The following CGNL1 variants were observed in gnomAD, a reference collection of about 807,000 sequenced individuals.
CGNL1 encodes the protein cingulin like 1.
In CGNL1, 132 loss-of-function variants were observed where a neutral mutation model predicts 141.2. The observed-to-expected ratio is 0.93, with a 90% CI of 0.81 to 1.08. CGNL1 has a LOEUF of 1.08. CGNL1 is among the 50% of genes least tolerant of loss of function. CGNL1 has a pLI of 0.00. For synonymous variants in CGNL1, 690 were observed against 622.1 expected (o/e 1.11, Z -1.63); for missense variants, 1,870 against 1,588.6 (o/e 1.18, Z -3.01).
chr15:57,491,327 C>T (rs1447977463), intron 8 of CGNL1, among the ~76,000 whole-genome samples: 1 of 152,156 alleles, frequency 6.6e-6, no homozygotes, highest in Non-Finnish European at 1.5e-5. Context: ...TTCTAACACC[C>T]AGTTTGGTGC....
At chr15:57,521,286 G>A (rs1323619214) in intron 10 of CGNL1, among the ~76,000 whole-genome samples, 1 of 152,156 alleles carries the variant, frequency 6.6e-6, no homozygotes, top group Non-Finnish European at 1.5e-5. Context: ...CTAAACCTTA[G>A]TACATGTTAG....
chr15:57,437,823 G>C (rs2152304869), intron 1 of CGNL1, among the ~76,000 whole-genome samples, 162 bp from the exon 2 acceptor site: 1 of 152,318 alleles, frequency 6.6e-6, no homozygotes, highest in Non-Finnish European at 1.5e-5. Context: ...TGGGTCACCA[G>C]AGGGCTGCCC....
chr15:57,485,188 G>GA (rs2063771784), intron 8 of CGNL1, among the ~76,000 whole-genome samples: 1 of 151,984 alleles, frequency 6.6e-6, no homozygotes, highest in African/African-American at 2.4e-5. Context: ...GGATTACTTA[G>GA]AAGTGTGTTG....
intron 10 of CGNL1, 21 bp from the exon 11 acceptor site, chr15:57,523,468 T>A (rs1389643582): frequency 6.2e-7 from 1 of 1,613,610 alleles, no homozygotes; most frequent in Non-Finnish European, 8.5e-7. Flanking sequence ...GACAGCACTG[T>A]CCTTTCCCTG....
chr15:57,481,063 G>GTTTTTTTTTT (rs1567144577), intron 8 of CGNL1, among the ~76,000 whole-genome samples: 3 of 105,074 alleles, frequency 2.9e-5, no homozygotes, highest in Non-Finnish European at 4.1e-5. Context: ...AAAGACCTGG[G>GTTTTTTTTTT]GTTTTTTTTT....
rs3051174 is a variant in CGNL1 at position 57,383,801 on chromosome 15, A to ATGTG, written c.-16+7246_-16+7249dup. ...AGGCTACTATGCCTGGCTAATTTTT[A>ATGTG]TGTGTGTGTGTGTGTTTTGTAGAAA... On this transcript the variant is annotated intron_variant, in intron 1 of 18. Coordinates refer to ENST00000281282, the MANE Select transcript of CGNL1 (RefSeq NM_032866.5). 7.4e-5 allele frequency among the ~76,000 whole-genome samples: 11 copies of ATGTG among 149,468 alleles called. No homozygotes were observed. The South Asian group carries it at 1.9e-3, about 26-fold the overall frequency.
At chr15:57,456,517 TA>T (rs1314947843) in intron 7 of CGNL1, among the ~76,000 whole-genome samples, 1,938 of 144,246 alleles carry the variant, frequency 0.013, 38 homozygotes, top group African/African-American at 0.046. Flanking sequence ...TAAAACAGTT[TA>T]AAAAAAAAAA....
chr15:57,545,537 G>A (rs2032809175), intron 16 of CGNL1, 55 bp from the exon 17 acceptor site: 36 of 1,512,116 alleles, frequency 2.4e-5, no homozygotes, highest in Non-Finnish European at 3.1e-5. Flanking sequence ...CCTAGGCTGG[G>A]CCCCCTGCAG....
At chr15:57,467,834 C>T (rs770143252) in intron 8 of CGNL1, among the ~76,000 whole-genome samples, 18 of 151,754 alleles carry the variant, frequency 1.2e-4, no homozygotes, top group Non-Finnish European at 1.6e-4. Flanking sequence ...GGATTACAGG[C>T]GCCTGCCACC....
chr15:57,483,346 T>G (rs2063749328), intron 8 of CGNL1, among the ~76,000 whole-genome samples: 1 of 152,248 alleles, frequency 6.6e-6, no homozygotes, highest in South Asian at 2.1e-4. Context: ...TTTTTACATT[T>G]TAGTATCCTT....
chr15:57,454,582 T>C (rs1280409), intron 7 of CGNL1, among the ~76,000 whole-genome samples: 49,813 of 152,070 alleles, frequency 0.33, 8,615 homozygotes, highest in African/African-American at 0.43. Flanking sequence ...AGCTCAGAGA[T>C]GAGTGACTCT....
intron 8 of CGNL1, among the ~76,000 whole-genome samples, chr15:57,465,481 C>T (rs1440488301): frequency 6.7e-6 from 1 of 149,828 alleles, no homozygotes; most frequent in Non-Finnish European, 1.5e-5. Context: ...ACCTCCACCT[C>T]CTGGGTTCAA....
intron 14 of CGNL1, among the ~76,000 whole-genome samples, chr15:57,538,226 G>A (rs2032370840): frequency 6.6e-6 from 1 of 152,224 alleles, no homozygotes. Flanking sequence ...GCTCCACATG[G>A]TGGATTTACT....
chr15:57,386,152 C>T (rs894808671), intron 1 of CGNL1, among the ~76,000 whole-genome samples: 3 of 152,210 alleles, frequency 2.0e-5, no homozygotes, highest in African/African-American at 2.4e-5. Flanking sequence ...TTGCTTGCAT[C>T]GTTTACATAT....
intron 1 of CGNL1, among the ~76,000 whole-genome samples, chr15:57,409,146 G>A (rs1295348043): frequency 2.0e-5 from 3 of 151,996 alleles, no homozygotes; most frequent in Non-Finnish European, 2.9e-5. Context: ...ACGTGCACAC[G>A]CGTGTGTGCT....
At chr15:57,445,813 G>A (rs771926585) in intron 4 of CGNL1, among the ~76,000 whole-genome samples, 3 of 152,056 alleles carry the variant, frequency 2.0e-5, no homozygotes, top group Non-Finnish European at 4.4e-5. Context: ...CCACTTTACT[G>A]TAGGATTTTA....
Position 57,548,130 on chromosome 15 carries a change from A to C in CGNL1, c.*640A>C, listed in dbSNP as rs2934418. 0.21 allele frequency: 31,679 copies of C among 151,456 alleles called. 3,459 individuals are homozygous for C. The highest frequency in any genetic ancestry group is 0.26 in the African/African-American group (10,643 of 41,166). 9.4% of individuals were successfully genotyped at this position (151,456 alleles called of 1,614,324 possible). On this transcript the variant is annotated 3_prime_UTR_variant, in exon 19 of 19. Transcript: ENST00000281282. The stretch of plus-strand genomic sequence containing the variant: ...GATTCTCCTGCCTCATCCTCCCAAG[A>C]AGCTGAGATTACAGATGACCACCAC...
intron 1 of CGNL1, among the ~76,000 whole-genome samples, chr15:57,400,001 T>C (rs1248249135): frequency 3.2e-5 from 1 of 31,740 alleles, no homozygotes; most frequent in African/African-American, 1.2e-4. Context: ...CTAATACCTT[T>C]TTTTTTTTTT....
chr15:57,536,468 A>G (rs757185804), intron 14 of CGNL1, among the ~76,000 whole-genome samples: 2 of 152,136 alleles, frequency 1.3e-5, no homozygotes, highest in Non-Finnish European at 2.9e-5. Flanking sequence ...TCTGACTGCT[A>G]TGAAGGAGAA....
Sources: gnomAD v4.1 joint callset for allele counts (sites outside exome capture counted in the v4.1 genomes callset) on GRCh38, gnomAD v4.1.1 for gene constraint, MANE v1.5 for transcripts, NCBI Gene and HGNC (gene_info 2026-07-23, HGNC 2026-07-21) for gene names.